Variants in MTHFD1L observed in about 807,000 individuals in gnomAD.
MTHFD1L encodes the protein methylenetetrahydrofolate dehydrogenase (NADP+ dependent) 1 like, also known as monofunctional C1-tetrahydrofolate synthase, mitochondrial.
MTHFD1L carries 81 observed loss-of-function variants against 119.5 expected under a neutral mutation model. The ratio of observed to expected loss-of-function variants is 0.68; its 90% confidence interval spans 0.57 to 0.82. The LOEUF (loss-of-function observed/expected upper bound fraction) is 0.82. Among genes scored for constraint, MTHFD1L ranks in the 40% least tolerant of loss-of-function variants. MTHFD1L has a pLI of 0.00. For synonymous variants in MTHFD1L, 430 were observed against 475.2 expected (o/e 0.90, Z 1.24); for missense variants, 1,125 against 1,253.4 (o/e 0.90, Z 1.55).
intron 27 of MTHFD1L, chr6:151,099,952 T>A: frequency 1.0e-6 from 1 of 996,718 alleles, no homozygotes; most frequent in Non-Finnish European, 1.6e-6. Flanking sequence ...TGTGCACATT[T>A]TCTGTTTAAA....
At chr6:150,982,931 C>T (rs1035505122) in intron 20 of MTHFD1L, among the ~76,000 whole-genome samples, 2 of 152,180 alleles carry the variant, frequency 1.3e-5, no homozygotes, top group Non-Finnish European at 2.9e-5. Context: ...AACTCCTGAC[C>T]TCAGGTGATC....
rs1209745391 is a variant in MTHFD1L, at chr6:150,964,091, C to A, written c.1945-878C>A. On this transcript the variant is annotated intron_variant, in intron 18 of 27. Coordinates refer to ENST00000367321, the MANE Select transcript of MTHFD1L (RefSeq NM_015440.5). ...GGCTGAGGCAGAAGAATCGCTTGAACCCTGGAGGCAGAGGTTGCAGTGAGC... is the reference window on the plus strand; with the variant it reads ...GGCTGAGGCAGAAGAATCGCTTGAAACCTGGAGGCAGAGGTTGCAGTGAGC... 3.9e-5 allele frequency among the ~76,000 whole-genome samples: 6 copies of A among 152,166 alleles called. No homozygotes were observed. The East Asian group carries it at 1.2e-3, about 29-fold the overall frequency.
intron 24 of MTHFD1L, among the ~76,000 whole-genome samples, chr6:151,021,255 C>T (rs891708742): frequency 1.2e-4 from 18 of 152,072 alleles, no homozygotes; most frequent in Non-Finnish European, 2.1e-4. Flanking sequence ...ACATAGAAAG[C>T]AGGCAATGAA....
intron 8 of MTHFD1L, among the ~76,000 whole-genome samples, chr6:150,914,499 CAACTT>C (rs942729478): frequency 5.9e-5 from 9 of 151,700 alleles, no homozygotes; most frequent in African/African-American, 1.5e-4. Context: ...CTCTATAAAA[CAACTT>C]AACAATGTGC....
At chr6:150,868,744 A>C (rs1778883062) in intron 1 of MTHFD1L, among the ~76,000 whole-genome samples, 1 of 152,188 alleles carries the variant, frequency 6.6e-6, no homozygotes, top group Non-Finnish European at 1.5e-5. Context: ...CAAAATTATT[A>C]GTAGGTACAT....
chr6:150,992,414 T>G (rs1360129187), intron 20 of MTHFD1L, among the ~76,000 whole-genome samples: 1 of 152,208 alleles, frequency 6.6e-6, no homozygotes, highest in African/African-American at 2.4e-5. Context: ...AAGCTCTGAG[T>G]TCATAGGAGT....
At chr6:151,063,235 TA>T (rs1284860463) in intron 26 of MTHFD1L, among the ~76,000 whole-genome samples, 2 of 152,146 alleles carry the variant, frequency 1.3e-5, no homozygotes, top group Non-Finnish European at 2.9e-5. Context: ...AATATTGCAA[TA>T]TTCTAAGTTG....
chr6:150,993,606 C>T (rs1392903903), intron 20 of MTHFD1L, among the ~76,000 whole-genome samples: 2 of 152,154 alleles, frequency 1.3e-5, no homozygotes, highest in African/African-American at 4.8e-5. Context: ...GCCACCACAG[C>T]CGGCCTAGTG....
At chr6:150,991,262 CAA>C (rs531613189) in intron 20 of MTHFD1L, among the ~76,000 whole-genome samples, 1 of 130,060 alleles carries the variant, frequency 7.7e-6, no homozygotes, top group African/African-American at 2.8e-5. Context: ...CAGGAAAAAG[CAA>C]AAAAAAAAAA....
chr6:151,093,639 G>C (rs1159022857), intron 27 of MTHFD1L, among the ~76,000 whole-genome samples: 1 of 151,982 alleles, frequency 6.6e-6, no homozygotes, highest in Non-Finnish European at 1.5e-5. Context: ...CTGGGCGACA[G>C]AGCAAGACTC....
At chr6:150,965,081 T>C in intron 19 of MTHFD1L, 44 bp downstream of exon 19, 1 of 1,562,534 alleles carries the variant, frequency 6.4e-7, no homozygotes, top group Non-Finnish European at 8.8e-7. Flanking sequence ...ATTAACTGGA[T>C]TGCCACACAA....
chr6:151,062,707 C>A (rs1191264541), intron 26 of MTHFD1L, among the ~76,000 whole-genome samples: 1 of 152,098 alleles, frequency 6.6e-6, no homozygotes, highest in Non-Finnish European at 1.5e-5. Context: ...TTGCTTGAAG[C>A]TCTGGTAAAA....
At chr6:151,058,593 G>A (rs1200577531) in intron 26 of MTHFD1L, among the ~76,000 whole-genome samples, 1 of 152,172 alleles carries the variant, frequency 6.6e-6, no homozygotes, top group Non-Finnish European at 1.5e-5. Flanking sequence ...TTATTTATGG[G>A]AGTCTGTGTA....
intron 26 of MTHFD1L, among the ~76,000 whole-genome samples, chr6:151,076,365 T>C (rs763528870): frequency 4.0e-5 from 6 of 150,906 alleles, no homozygotes; most frequent in Admixed American, 2.0e-4. Flanking sequence ...AAAAAAAAGA[T>C]TGGGCTGGGC....
chr6:150,910,747 G>A (rs1275391142), intron 8 of MTHFD1L, among the ~76,000 whole-genome samples: 1 of 152,056 alleles, frequency 6.6e-6, no homozygotes. Context: ...GCCAATAAAT[G>A]CTGGTCCACT....
At chr6:150,971,283 A>G (rs1307105553) in intron 19 of MTHFD1L, among the ~76,000 whole-genome samples, 1 of 151,922 alleles carries the variant, frequency 6.6e-6, no homozygotes. Context: ...TGCAACCTCC[A>G]CCTCCCAGGT....
chr6:151,028,463 T>C (rs368007083), intron 24 of MTHFD1L, among the ~76,000 whole-genome samples: 1 of 152,146 alleles, frequency 6.6e-6, no homozygotes, highest in African/African-American at 2.4e-5. Context: ...GGCACACACA[T>C]ACTATGGAAC....
intron 27 of MTHFD1L, among the ~76,000 whole-genome samples, chr6:151,092,816 A>G (rs1794575097): frequency 6.6e-6 from 1 of 152,166 alleles, no homozygotes; most frequent in African/African-American, 2.4e-5. Flanking sequence ...CCTGCGCTCG[A>G]GTCCAGTGAA....
intron 8 of MTHFD1L, among the ~76,000 whole-genome samples, chr6:150,915,483 G>A (rs991594018): frequency 6.6e-6 from 1 of 152,138 alleles, no homozygotes; most frequent in African/African-American, 2.4e-5. Flanking sequence ...GACTTATCTT[G>A]TAAACTTGGA....
Sources: gnomAD v4.1 joint callset for allele counts (sites outside exome capture counted in the v4.1 genomes callset) on GRCh38, gnomAD v4.1.1 for gene constraint, MANE v1.5 for transcripts, NCBI Gene and HGNC (gene_info 2026-07-23, HGNC 2026-07-21) for gene names.